The following SLC37A1 variants were observed in gnomAD, a reference collection of about 807,000 sequenced individuals.
The protein encoded by SLC37A1 is glucose-6-phosphate exchanger SLC37A1.
Under a neutral mutation model 75.3 loss-of-function variants are expected in SLC37A1, and 49 were observed. That is an observed-to-expected ratio of 0.65 (90% confidence interval 0.52 to 0.83). The LOEUF (loss-of-function observed/expected upper bound fraction) is 0.83. SLC37A1 is among the 40% of genes least tolerant of loss of function. SLC37A1 has a pLI of 0.00. For missense variants in SLC37A1, 566 were observed against 695.0 expected (o/e 0.81, Z 2.09); for synonymous variants, 268 against 292.1 (o/e 0.92, Z 0.84).
chr21:42,550,897 A>G (rs1350377019), intron 9 of SLC37A1, among the ~76,000 whole-genome samples: 3 of 149,682 alleles, frequency 2.0e-5, no homozygotes, highest in African/African-American at 7.5e-5. Context: ...AACACTCAAC[A>G]AACTAGGAAT....
At chr21:42,530,847 G>A (rs570686252) in intron 3 of SLC37A1, among the ~76,000 whole-genome samples, 4 of 152,190 alleles carry the variant, frequency 2.6e-5, no homozygotes, top group East Asian at 3.9e-4. Flanking sequence ...AGAATGTGTC[G>A]CGTGGCTGTA....
intron 5 of SLC37A1, among the ~76,000 whole-genome samples, chr21:42,538,909 G>A (rs747897598): frequency 6.6e-5 from 10 of 152,216 alleles, no homozygotes; most frequent in Non-Finnish European, 1.3e-4. Context: ...AAGGATCAGA[G>A]AGATGCCACC....
At chr21:42,563,657 C>G (rs1034890786) in intron 12 of SLC37A1, among the ~76,000 whole-genome samples, 158 bp from the exon 13 acceptor site, 3 of 152,160 alleles carry the variant, frequency 2.0e-5, no homozygotes, top group African/African-American at 7.2e-5. Flanking sequence ...TTCTGTGTTA[C>G]TTGTTTTTTA....
chr21:42,572,680 A>C (rs113399649), intron 17 of SLC37A1, among the ~76,000 whole-genome samples: 4,581 of 140,466 alleles, frequency 0.033, 332 homozygotes, highest in African/African-American at 0.13. Flanking sequence ...ACACACACAA[A>C]AAAAAAAAAA....
At chr21:42,543,382 A>T (rs1396906339) in intron 7 of SLC37A1, 54 bp from the exon 8 acceptor site, 10 of 1,609,250 alleles carry the variant, frequency 6.2e-6, no homozygotes, top group Non-Finnish European at 8.5e-6. Context: ...GCACTGCTGG[A>T]CTCGTTTCAG....
chr21:42,549,069 G>A (rs228086), intron 9 of SLC37A1, among the ~76,000 whole-genome samples: 69,725 of 152,094 alleles, frequency 0.46, 16,862 homozygotes, highest in Admixed American at 0.62. Context: ...TTAAAAAGCC[G>A]TGTTCCTGCC....
chr21:42,513,149 G>A (rs144604854), upstream of SLC37A1, among the ~76,000 whole-genome samples: 46 of 152,292 alleles, frequency 3.0e-4, no homozygotes, highest in East Asian at 7.9e-3. Context: ...GTGGGTGTTC[G>A]GCAGTAGCTT....
At chr21:42,565,935 G>T (rs566959867) in intron 15 of SLC37A1, 60 bp downstream of exon 15, 3 of 1,535,384 alleles carry the variant, frequency 2.0e-6, no homozygotes, top group Admixed American at 3.4e-5. Context: ...CACACAGCTG[G>T]CAAGATGAAA....
In SLC37A1 at chr21:42,573,271, CT is replaced by C. The variant is rs542532890; in HGVS notation, c.1424-1546del. Reference sequence around the variant, plus strand: ...GTAGCTAACAGTTTGTGATAAAAGACTCAACCCATGCACCTTTTTTCTCTTG... The same window carrying C: ...GTAGCTAACAGTTTGTGATAAAAGACCAACCCATGCACCTTTTTTCTCTTG... On this transcript the variant is annotated intron_variant, in intron 17 of 19. Coordinates refer to ENST00000352133, the MANE Select transcript of SLC37A1 (RefSeq NM_001320537.2). 2.1e-4 allele frequency among the ~76,000 whole-genome samples: 32 copies of C among 152,314 alleles called. No individual in the cohort carries two copies. The South Asian group carries it at 6.2e-3, about 30-fold the overall frequency.
rs1044021639 is a variant in SLC37A1 at position 42,543,716 on chromosome 21, G to A, written c.730+114G>A. 56 of 1,076,066 alleles carry A rather than the reference G, an allele frequency of 5.2e-5. No individual in the cohort carries two copies. In the African/African-American group the frequency reaches 6.7e-4, roughly 13 times the overall value. 66.7% of individuals were successfully genotyped at this position (1,076,066 alleles called of 1,614,324 possible). On this transcript the variant is annotated intron_variant, in intron 8 of 19. Transcript: ENST00000352133. The stretch of plus-strand genomic sequence containing the variant: ...GCGTGGCCTAGCGCCCTGTTTGCCC[G>A]TGGCTGCCTCAGCGCTCTTCTTACC...
chr21:42,513,415 C>T (rs1392663123), upstream of SLC37A1, among the ~76,000 whole-genome samples: 1 of 152,240 alleles, frequency 6.6e-6, no homozygotes, highest in African/African-American at 2.4e-5. Context: ...GATTGTGCCC[C>T]TTGACATGAC....
In SLC37A1 at chr21:42,574,824, C is replaced by T; in HGVS notation, c.1430C>T (p.Ala477Val). ...IIDGTGSVGA[A>V]LGPLLAGLLS... is the part of the protein sequence containing the mutation. ...TCCATTTGCCTGATTTCAGGAGCAG[C>T]CCTGGGCCCCCTGCTGGCTGGGCTC... Residue 477 changes from alanine (A) to valine (V), a missense_variant, in exon 18 of 20, where the codon GCC becomes GTC. Physicochemically the swap from Ala to Val is moderately conservative, Grantham distance 64. Transcript: ENST00000352133. 6.2e-7 allele frequency: 1 copy of T among 1,614,064 alleles called. No homozygotes were observed. Among genetic ancestry groups the T allele is most frequent in the Non-Finnish European group, 8.5e-7 (1 of 1,179,992 alleles).
chr21:42,576,399 G>A (rs993773144), intron 18 of SLC37A1, among the ~76,000 whole-genome samples: 1 of 83,450 alleles, frequency 1.2e-5, no homozygotes, highest in African/African-American at 4.4e-5. Context: ...AGCAAAGTTG[G>A]TCCTTAGGCA....
At chr21:42,520,656 GGTGT>G (rs1382078756) in intron 2 of SLC37A1, among the ~76,000 whole-genome samples, 1 of 151,684 alleles carries the variant, frequency 6.6e-6, no homozygotes, top group East Asian at 1.9e-4. Context: ...CGTGTGTGTG[GGTGT>G]GTGTGTGTAA....
At chr21:42,569,023 C>T (rs146573344) in intron 17 of SLC37A1, among the ~76,000 whole-genome samples, 3 of 152,218 alleles carry the variant, frequency 2.0e-5, no homozygotes, top group South Asian at 2.1e-4. Flanking sequence ...ACCTGCCAGG[C>T]GAAAATCAGG....
Position 42,513,918 on chromosome 21 carries a change from G to T in SLC37A1, c.-978G>T. 6.8e-6 allele frequency: 1 copy of T among 146,348 alleles called. No homozygotes were observed. Among genetic ancestry groups the T allele is most frequent in the South Asian group, 1.9e-4 (1 of 5,264 alleles). The allele number at this position is 146,348 out of a possible 1,614,324, so 9.1% of individuals were successfully genotyped here. A position where few individuals can be genotyped will look rare whatever the true frequency, so the allele number is the denominator to read the frequency against. ...TGGGCTGCGGAGCGCGGGCCTCGGC[G>T]GCGCAGGTGAGGCGCGGGGCCGGGG... On this transcript the variant is annotated 5_prime_UTR_variant, in exon 1 of 20. Transcript: ENST00000352133.
In SLC37A1 at chr21:42,558,967, A is replaced by G; in HGVS notation, c.859A>G (p.Met287Val). The change falls in exon 11 of 20, where the codon ATG becomes GTG. Residue 287 changes from methionine to valine, a missense_variant. Coordinates refer to ENST00000352133, the MANE Select transcript of SLC37A1 (RefSeq NM_001320537.2). Reference protein sequence around the residue: ...SEKNKPLDPEMQCLLLSDGKG... With the variant: ...SEKNKPLDPEVQCLLLSDGKG... ...ATGGATTTGCCTCCAGGACCCAGAG[A>G]TGCAGTGCCTGCTGCTCTCAGATGG... 6.2e-7 allele frequency: 1 copy of G among 1,613,886 alleles called. No homozygotes were observed. Among genetic ancestry groups the G allele is most frequent in the African/African-American group, 1.3e-5 (1 of 75,004 alleles).
chr21:42,564,936 C>A, intron 14 of SLC37A1, 143 bp downstream of exon 14: 1 of 726,316 alleles, frequency 1.4e-6, no homozygotes, highest in South Asian at 1.8e-5. Flanking sequence ...TCCTGTCCCC[C>A]GACCCCTCCC....
chr21:42,557,457 C>A (rs910179796), intron 10 of SLC37A1, among the ~76,000 whole-genome samples: 1 of 152,276 alleles, frequency 6.6e-6, no homozygotes, highest in South Asian at 2.1e-4. Flanking sequence ...TTTGCTTTCA[C>A]GTGCCGTGAT....
Sources: gnomAD v4.1 joint callset for allele counts (sites outside exome capture counted in the v4.1 genomes callset) on GRCh38, gnomAD v4.1.1 for gene constraint, MANE v1.5 for transcripts, NCBI Gene and HGNC (gene_info 2026-07-23, HGNC 2026-07-21) for gene names.